LDLRAD4: variants seen among roughly 807,000 people sequenced by gnomAD.
LDLRAD4 encodes low-density lipoprotein receptor class A domain-containing protein 4.
In LDLRAD4, 5 loss-of-function variants were observed where a neutral mutation model predicts 17.0. The ratio of observed to expected loss-of-function variants is 0.29; its 90% CI spans 0.15 to 0.62. The LOEUF is 0.62. Among genes scored for constraint, LDLRAD4 ranks in the 20% least tolerant of loss-of-function variants. LDLRAD4 has a pLI of 0.84. For synonymous variants in LDLRAD4, 168 were observed against 171.8 expected, an observed-to-expected ratio of 0.98 and a Z score of 0.17; for missense variants, 340 against 424.7, an observed-to-expected ratio of 0.80 and a Z score of 1.75.
chr18:13,417,446 T>C (rs1393634904), intron 2 of LDLRAD4, among the ~76,000 whole-genome samples: 1 of 151,510 alleles, frequency 6.6e-6, no homozygotes, highest in Non-Finnish European at 1.5e-5. Context: ...TTTTTTTTTT[T>C]TTTTGAGACA....
chr18:13,642,818 A>G (rs112091287), intron 4 of LDLRAD4: 16,352 of 1,084,864 alleles, frequency 0.015, 130 homozygotes, highest in Middle Eastern at 0.028. Flanking sequence ...CAACTTTTCC[A>G]TGTTTCCTTT....
At chr18:13,356,266 G>C (rs1417484251) in intron 1 of LDLRAD4, among the ~76,000 whole-genome samples, 1 of 152,224 alleles carries the variant, frequency 6.6e-6, no homozygotes, top group Non-Finnish European at 1.5e-5. Context: ...CATCCAATGG[G>C]AATCTCCTTG....
At chr18:13,577,079 A>T (rs1041570606) in intron 3 of LDLRAD4, among the ~76,000 whole-genome samples, 11 of 150,388 alleles carry the variant, frequency 7.3e-5, no homozygotes, top group African/African-American at 1.2e-4. Flanking sequence ...GCGGTTTAGC[A>T]TTTTTTTTTT....
chr18:13,343,942 T>C (rs61460772), intron 1 of LDLRAD4, among the ~76,000 whole-genome samples: 2,458 of 152,330 alleles, frequency 0.016, 66 homozygotes, highest in African/African-American at 0.057. Context: ...TGTTTTTTTC[T>C]TGTAAATTTG....
At chr18:13,251,847 G>GA (rs2043235737) in intron 1 of LDLRAD4, among the ~76,000 whole-genome samples, 1 of 152,188 alleles carries the variant, frequency 6.6e-6, no homozygotes, top group African/African-American at 2.4e-5. Context: ...TATTCTTGAA[G>GA]AAAAATTGTT....
At chr18:13,568,383 T>A (rs1482598383) in intron 3 of LDLRAD4, among the ~76,000 whole-genome samples, 1 of 151,930 alleles carries the variant, frequency 6.6e-6, no homozygotes, top group African/African-American at 2.4e-5. Context: ...ATCCAGGTTA[T>A]CTCTTTCGGC....
intron 1 of LDLRAD4, among the ~76,000 whole-genome samples, chr18:13,343,448 T>C (rs1450792773): frequency 1.3e-5 from 2 of 152,144 alleles, no homozygotes; most frequent in Non-Finnish European, 2.9e-5. Flanking sequence ...TTCCATGGTG[T>C]ATATGTGCCA....
At chr18:13,247,547 A>C (rs113196251) in intron 1 of LDLRAD4, among the ~76,000 whole-genome samples, 9 of 152,284 alleles carry the variant, frequency 5.9e-5, no homozygotes, top group African/African-American at 2.2e-4. Context: ...TAAAAATTTC[A>C]AACTCTGTAG....
At chr18:13,569,964 A>G (rs2094662727) in intron 3 of LDLRAD4, among the ~76,000 whole-genome samples, 1 of 152,326 alleles carries the variant, frequency 6.6e-6, no homozygotes, top group East Asian at 1.9e-4. Context: ...TTTTTGTTTT[A>G]AAAGTATGCA....
intron 3 of LDLRAD4, among the ~76,000 whole-genome samples, chr18:13,457,767 C>T (rs756199814): frequency 1.3e-5 from 2 of 152,094 alleles, no homozygotes; most frequent in Non-Finnish European, 2.9e-5. Flanking sequence ...GCTGTGAAGG[C>T]GGCTCCCCCT....
chr18:13,442,443 G>C (rs1027091658), intron 3 of LDLRAD4, among the ~76,000 whole-genome samples: 5 of 152,234 alleles, frequency 3.3e-5, no homozygotes, highest in African/African-American at 9.6e-5. Context: ...GCCCAGAAGA[G>C]CATGAGCGTA....
chr18:13,505,997 C>T (rs1353333730), intron 3 of LDLRAD4, among the ~76,000 whole-genome samples: 1 of 152,120 alleles, frequency 6.6e-6, no homozygotes, highest in African/African-American at 2.4e-5. Context: ...CACACTCCCT[C>T]CTCAGTGTGG....
intron 1 of LDLRAD4, among the ~76,000 whole-genome samples, chr18:13,350,730 C>A (rs1051145372): frequency 1.3e-5 from 2 of 152,034 alleles, no homozygotes; most frequent in South Asian, 2.1e-4. Context: ...AATGGTATTG[C>A]CTAGGTTTTC....
chr18:13,643,462 G>A, intron 5 of LDLRAD4, 50 bp downstream of exon 6: 1 of 349,258 alleles, frequency 2.9e-6, no homozygotes. Flanking sequence ...GGGGTGGGTG[G>A]GGATGAAGGG....
At chr18:13,246,764 C>G (rs28542360) in intron 1 of LDLRAD4, among the ~76,000 whole-genome samples, 10 of 152,286 alleles carry the variant, frequency 6.6e-5, no homozygotes, top group African/African-American at 2.4e-4. Context: ...ATTTAGCAGA[C>G]CAGGTCTGCA....
intron 3 of LDLRAD4, among the ~76,000 whole-genome samples, chr18:13,481,516 C>CTTCTGGT (rs2093083829): frequency 6.6e-6 from 1 of 152,200 alleles, no homozygotes; most frequent in Non-Finnish European, 1.5e-5. Flanking sequence ...GCTGGGAAGA[C>CTTCTGGT]TTCTGGTGGC....
At chr18:13,391,216 C>T (rs1248972002) in intron 2 of LDLRAD4, among the ~76,000 whole-genome samples, 1 of 152,198 alleles carries the variant, frequency 6.6e-6, no homozygotes, top group Non-Finnish European at 1.5e-5. Context: ...CATATGTCCA[C>T]TAAAATTTGT....
intron 1 of LDLRAD4, among the ~76,000 whole-genome samples, chr18:13,380,202 C>T (rs924713962): frequency 7.9e-5 from 12 of 152,370 alleles, no homozygotes; most frequent in Admixed American, 2.6e-4. Flanking sequence ...GACCCTTTCC[C>T]ATTCCCTTGT....
At chr18:13,486,223 C>T (rs2093219550) in intron 3 of LDLRAD4, among the ~76,000 whole-genome samples, 1 of 152,134 alleles carries the variant, frequency 6.6e-6, no homozygotes, top group South Asian at 2.1e-4. Flanking sequence ...GACGTAGTTC[C>T]CTGGGATATG....
Sources: allele counts gnomAD v4.1 joint callset (sites outside exome capture counted in the v4.1 genomes callset), GRCh38; gene constraint gnomAD v4.1.1; transcripts MANE v1.5; gene names NCBI Gene and HGNC (gene_info 2026-07-23, HGNC 2026-07-21).